The following LRRC46 variants were observed in gnomAD, a reference collection of about 807,000 sequenced individuals.
LRRC46 encodes leucine rich repeat containing 46, also known as leucine-rich repeat-containing protein 46.
In LRRC46, 20 loss-of-function variants were observed where a neutral mutation model predicts 28.0. The observed-to-expected ratio is 0.71, with a 90% CI of 0.50 to 1.04. LRRC46 has a LOEUF of 1.04. Among genes scored for constraint, LRRC46 ranks in the 50% least tolerant of loss-of-function variants. The pLI is 0.00. For synonymous variants in LRRC46, 156 were observed against 158.8 expected, an observed-to-expected ratio of 0.98 and a Z score of 0.13; for missense variants, 315 against 390.1, an observed-to-expected ratio of 0.81 and a Z score of 1.62.
In LRRC46 at chr17:47,836,727, C is replaced by T. The variant is rs1256710677; in HGVS notation, c.596-23C>T. Reference sequence around the variant, plus strand: ...GCCCAGGGCTCCACCCACCCTGTACCCTCCACCCCCGGCCCCTCCCAGGCT... The same window carrying T: ...GCCCAGGGCTCCACCCACCCTGTACTCTCCACCCCCGGCCCCTCCCAGGCT... On this transcript the variant is annotated intron_variant, in intron 7 of 7. Transcript: ENST00000269025. The surrounding 1 kb of genome is among the most constrained non-coding windows in gnomAD (Gnocchi z 5.8). 4.3e-6 allele frequency: 7 copies of T among 1,611,356 alleles called. No homozygotes were observed. Among genetic ancestry groups the T allele is most frequent in the South Asian group, 2.2e-5 (2 of 90,950 alleles).
intron 3 of LRRC46, chr17:47,834,957 T>C (rs1457820222): frequency 8.7e-6 from 2 of 230,144 alleles, no homozygotes; most frequent in South Asian, 7.4e-5. Context: ...TATTCCCAGC[T>C]CGCTTCAACT....
chr17:47,835,848 C>A (rs1598045425), intron 5 of LRRC46, 73 bp downstream of exon 5: 3 of 1,413,498 alleles, frequency 2.1e-6, no homozygotes, highest in Middle Eastern at 1.8e-4. Flanking sequence ...CACCCATCTG[C>A]CCATGCTTCT....
intron 3 of LRRC46, chr17:47,835,059 G>C: frequency 2.5e-6 from 1 of 403,238 alleles, no homozygotes; most frequent in Admixed American, 4.2e-5. Context: ...CCGTTTTCCT[G>C]GTGGCTTCTT....
chr17:47,833,747 C>T, intron 2 of LRRC46: 1 of 106,206 alleles, frequency 9.4e-6, no homozygotes, highest in Non-Finnish European at 2.1e-5. Context: ...CCTCGCCCAG[C>T]CTCTTTTTTT....
chr17:47,836,838 G>A lies in LRRC46; in HGVS notation c.684G>A (p.Glu228=). 2 of 1,613,964 alleles carry A rather than the reference G, an allele frequency of 1.2e-6. No individual in the cohort carries two copies. Among genetic ancestry groups the A allele is most frequent in the Non-Finnish European group, 1.7e-6 (2 of 1,179,988 alleles). The change falls in exon 8 of 8, where the codon GAG becomes GAA. Residue 228 remains glutamate (E), a synonymous_variant. Transcript: ENST00000269025. The surrounding 1 kb of genome is among the most constrained non-coding windows in gnomAD (Gnocchi z 5.8). The part of the protein sequence containing the change: ...TALTEHLLRM[E]MQPTLTDLPL... ...TGACAGAGCACCTGCTGAGGATGGAGATGCAGCCCACCCTCACCGACCTGC... is the reference window on the plus strand; with the variant it reads ...TGACAGAGCACCTGCTGAGGATGGAAATGCAGCCCACCCTCACCGACCTGC...
Position 47,835,808 on chromosome 17 carries a change from C to G in LRRC46, c.382+33C>G, listed in dbSNP as rs762218811. ...CCCACTCGCCCTGGCTCACCAAACACATCCCCTGTGGGGCCTGCCCTCCCC... is the reference window on the plus strand; with the variant it reads ...CCCACTCGCCCTGGCTCACCAAACAGATCCCCTGTGGGGCCTGCCCTCCCC... On this transcript the variant is annotated intron_variant, in intron 5 of 7. Transcript: ENST00000269025. 2.5e-6 allele frequency: 4 copies of G among 1,578,518 alleles called. No homozygotes were observed. The East Asian group carries it at 6.7e-5, about 26-fold the overall frequency.
At chr17:47,834,050 GAGGA>G (rs1009261044) in intron 2 of LRRC46, 2 of 997,526 alleles carry the variant, frequency 2.0e-6, no homozygotes, top group African/African-American at 3.5e-5. Context: ...AAAGGAAGGT[GAGGA>G]AGGATCTTTC....
intron 2 of LRRC46, among the ~76,000 whole-genome samples, chr17:47,833,552 G>A (rs1268744823): frequency 5.3e-5 from 8 of 150,680 alleles, no homozygotes; most frequent in South Asian, 2.1e-4. Flanking sequence ...GAGTTGAAGC[G>A]ATTCTCCAGC....
At chr17:47,835,599 CCCT>C in intron 4 of LRRC46, 64 bp from the exon 5 acceptor site, 2 of 1,418,728 alleles carry the variant, frequency 1.4e-6, no homozygotes, top group Non-Finnish European at 2.0e-6. Flanking sequence ...GTGTCAGGTG[CCCT>C]CCTCTTTTCT....
At chr17:47,835,291 G>C in intron 3 of LRRC46, 62 bp from the exon 4 acceptor site, 1 of 1,566,212 alleles carries the variant, frequency 6.4e-7, no homozygotes, top group Non-Finnish European at 8.8e-7. Flanking sequence ...CTTTGTCCCC[G>C]TAAAGGGCCC....
Position 47,837,159 on chromosome 17 carries a change from G to A in LRRC46, c.*39G>A. On this transcript the variant is annotated 3_prime_UTR_variant, in exon 8 of 8. Coordinates refer to ENST00000269025, the MANE Select transcript of LRRC46 (RefSeq NM_033413.4). ...TTTCTCTACTAGTGGAGAGGAGTGG[G>A]GCCTGCCCCTCTTCTCAGACCTCTG... 6.3e-7 allele frequency: 1 copy of A among 1,584,092 alleles called. No individual in the cohort carries two copies. Among genetic ancestry groups the A allele is most frequent in the Non-Finnish European group, 8.5e-7 (1 of 1,172,992 alleles).
Position 47,835,748 on chromosome 17 carries a change from G to A in LRRC46, c.355G>A (p.Glu119Lys), listed in dbSNP as rs767807482. Residue 119 changes from glutamate to lysine, a missense_variant, in exon 5 of 8, where the codon GAG (glutamate) becomes AAG (lysine). Physicochemically the swap from Glu to Lys is moderately conservative, Grantham distance 56. Coordinates refer to ENST00000269025, the MANE Select transcript of LRRC46 (RefSeq NM_033413.4). ...LPCLQFLDLS[E>K]NLIETLKLDE... ...ATGCCTCCAGTTTCTGGACCTTTCTGAGAACCTGATAGAAACATTGAAGCT... is the reference window on the plus strand; with the variant it reads ...ATGCCTCCAGTTTCTGGACCTTTCTAAGAACCTGATAGAAACATTGAAGCT... 1 of 1,614,070 alleles carries A rather than the reference G, an allele frequency of 6.2e-7. No homozygotes were observed. Among genetic ancestry groups the A allele is most frequent in the African/African-American group, 1.3e-5 (1 of 74,936 alleles).
At position 47,834,407 on chromosome 17, in the gene LRRC46, TACTG is replaced by T. The variant is rs760734852; in HGVS notation, c.117-14_117-11del. The T allele has an allele frequency of 4.4e-6, 7 of 1,580,756 alleles. No individual in the cohort carries two copies. The highest frequency in any genetic ancestry group is 2.2e-5 in the East Asian group (1 of 44,510). On this transcript the variant is annotated splice_polypyrimidine_tract_variant and intron_variant, in intron 2 of 7. Coordinates refer to ENST00000269025, the MANE Select transcript of LRRC46 (RefSeq NM_033413.4). The stretch of plus-strand genomic sequence containing the variant: ...ATGAGTGGTGCTCTAACACCACCCT[TACTG>T]ACTCTTTTCCCAGGTTTCACACTCT...
At position 47,836,421 on chromosome 17, in the gene LRRC46, G is replaced by A. The variant is rs1346326951; in HGVS notation, c.541G>A (p.Ala181Thr). The change falls in exon 7 of 8, where the codon GCC becomes ACC. Residue 181 changes from alanine to threonine, a missense_variant. Physicochemically the swap from Ala to Thr is moderately conservative, Grantham distance 58. Transcript: ENST00000269025. The surrounding 1 kb of genome is among the most constrained non-coding windows in gnomAD (Gnocchi z 5.8). The stretch of plus-strand genomic sequence containing the variant: ...CTGGATTTCGGATGAGGAGGATGAA[G>A]CCTCAAGCGATGAGGAGTTCCCAGA... ...ERWISDEEDE[A>T]SSDEEFPELS... 2 of 1,614,028 alleles carry A rather than the reference G, an allele frequency of 1.2e-6. No individual in the cohort carries two copies. Among genetic ancestry groups the A allele is most frequent in the Non-Finnish European group, 8.5e-7 (1 of 1,180,008 alleles).
chr17:47,836,987 G>T lies in LRRC46; in HGVS notation c.833G>T (p.Cys278Phe). The T allele has an allele frequency of 1.2e-6, 2 of 1,613,246 alleles. No individual in the cohort carries two copies. The highest frequency in any genetic ancestry group is 1.7e-6 in the Non-Finnish European group (2 of 1,179,752). ...PQASSPTKKP[C>F]SLIPRGHQSS... ...GCCTCCTCTCCCACCAAGAAACCAT[G>T]CAGTCTGATTCCCAGGGGCCACCAA... Residue 278 changes from cysteine to phenylalanine, a missense_variant, in exon 8 of 8, where the codon TGC becomes TTC. Cys to Phe is a radical substitution (Grantham distance 205). Coordinates refer to ENST00000269025, the MANE Select transcript of LRRC46 (RefSeq NM_033413.4). This position sits in a 1 kb window ranked among gnomAD's most constrained non-coding sequence, Gnocchi z 5.8.
At position 47,831,852 on chromosome 17, in the gene LRRC46, A is replaced by T; in HGVS notation, c.-138A>T. The T allele has an allele frequency of 8.8e-7, 1 of 1,130,572 alleles. No homozygotes were observed. Among genetic ancestry groups the T allele is most frequent in the African/African-American group, 1.6e-5 (1 of 64,222 alleles). The allele number at this position is 1,130,572 out of a possible 1,614,324, so 70.0% of individuals were successfully genotyped here. A position where few individuals can be genotyped will look rare whatever the true frequency, so the allele number is the denominator to read the frequency against. On this transcript the variant is annotated 5_prime_UTR_variant, in exon 1 of 8. Transcript: ENST00000269025. ...TCACCCCAGCAATTTTCTCTGAATC[A>T]ACCCCCTTTCCTCCTCTCCTAAGTC...
At chr17:47,832,298 G>A in intron 2 of LRRC46, 93 bp downstream of exon 2, 1 of 871,304 alleles carries the variant, frequency 1.1e-6, no homozygotes, top group South Asian at 2.0e-5. Context: ...ACTGATCTTT[G>A]TTTCTCTCCT....
intron 5 of LRRC46, 72 bp downstream of exon 5, chr17:47,835,847 G>C: frequency 7.0e-7 from 1 of 1,421,850 alleles, no homozygotes; most frequent in South Asian, 1.2e-5. Flanking sequence ...GCACCCATCT[G>C]CCCATGCTTC....
Position 47,836,102 on chromosome 17 carries a change from G to T in LRRC46, c.452G>T (p.Arg151Leu), listed in dbSNP as rs768061601. 6.2e-7 allele frequency: 1 copy of T among 1,614,118 alleles called. No homozygotes were observed. The highest frequency in any genetic ancestry group is 8.5e-7 in the Non-Finnish European group (1 of 1,179,992). Reference protein sequence around the residue: ...GNSCTNQDGYRELVTEALPLL... With the variant: ...GNSCTNQDGYLELVTEALPLL... ...AGCTGCACCAACCAGGATGGCTACCGGTAAGGAGTGGAGGGTGGGAAGAAA... is the reference window on the plus strand; with the variant it reads ...AGCTGCACCAACCAGGATGGCTACCTGTAAGGAGTGGAGGGTGGGAAGAAA... Residue 151 changes from arginine (R) to leucine (L), a missense_variant and splice_region_variant, in exon 6 of 8, where the codon CGC becomes CTC. Arg to Leu is a moderately radical substitution (Grantham distance 102). Transcript: ENST00000269025. The surrounding 1 kb of genome is among the most constrained non-coding windows in gnomAD (Gnocchi z 5.8).
Sources: allele counts gnomAD v4.1 joint callset (sites outside exome capture counted in the v4.1 genomes callset), GRCh38; gene constraint gnomAD v4.1.1; non-coding constraint Gnocchi (gnomAD v3.1); transcripts MANE v1.5; gene names NCBI Gene and HGNC (gene_info 2026-07-23, HGNC 2026-07-21).